The following TMEM178B variants were observed in gnomAD, a reference collection of about 807,000 sequenced individuals.
The protein encoded by TMEM178B is transmembrane protein 178B.
TMEM178B carries 5 observed loss-of-function variants against 31.0 expected under a neutral mutation model. That is an observed-to-expected ratio of 0.16 (90% CI 0.08 to 0.34). TMEM178B has a LOEUF of 0.34. Among genes scored for constraint, TMEM178B ranks in the 10% least tolerant of loss-of-function variants. TMEM178B has a pLI of 1.00. For missense variants in TMEM178B, 275 were observed against 400.3 expected (o/e 0.69, Z 2.67); for synonymous variants, 164 against 164.0 (o/e 1.00, Z 0.00).
intron 2 of TMEM178B, among the ~76,000 whole-genome samples, chr7:141,234,316 G>C (rs1001854049): frequency 6.6e-6 from 1 of 152,204 alleles, no homozygotes; most frequent in African/African-American, 2.4e-5. Flanking sequence ...GATCTGGTGA[G>C]AGTTTTATGG....
At chr7:141,104,094 C>T (rs567500342) in intron 1 of TMEM178B, among the ~76,000 whole-genome samples, 1 of 152,196 alleles carries the variant, frequency 6.6e-6, no homozygotes, top group African/African-American at 2.4e-5. Flanking sequence ...TTTAGTTGAA[C>T]CTGAGCCAGG....
chr7:141,440,882 T>A (rs1801645075), intron 3 of TMEM178B, among the ~76,000 whole-genome samples: 1 of 152,214 alleles, frequency 6.6e-6, no homozygotes, highest in Non-Finnish European at 1.5e-5. Context: ...AAGCCATGTC[T>A]TCCTGAAAGA....
chr7:141,458,916 C>T (rs931898764), intron 3 of TMEM178B, among the ~76,000 whole-genome samples: 8 of 152,230 alleles, frequency 5.3e-5, no homozygotes, highest in Non-Finnish European at 8.8e-5. Flanking sequence ...ATATAATGCA[C>T]AAACACCTCA....
chr7:141,188,665 C>T (rs1374026451), intron 1 of TMEM178B, among the ~76,000 whole-genome samples: 2 of 152,218 alleles, frequency 1.3e-5, no homozygotes, highest in African/African-American at 2.4e-5. Flanking sequence ...AATAAGCTTA[C>T]ATTCTAGTTA....
chr7:141,327,415 C>T (rs550356925), intron 2 of TMEM178B, among the ~76,000 whole-genome samples: 2 of 152,324 alleles, frequency 1.3e-5, no homozygotes, highest in African/African-American at 4.8e-5. Context: ...GCAACCTCCC[C>T]CACTATCAAC....
At chr7:141,173,552 C>T (rs768752895) in intron 1 of TMEM178B, among the ~76,000 whole-genome samples, 1 of 152,182 alleles carries the variant, frequency 6.6e-6, no homozygotes, top group Non-Finnish European at 1.5e-5. Context: ...GCCTATCTCA[C>T]ATGAGAAACT....
rs1465020039 is a variant in TMEM178B, at chr7:141,472,358, C to A, written c.*1572C>A. The A allele has an allele frequency of 6.6e-6, 1 of 152,172 alleles. No homozygotes were observed. Among genetic ancestry groups the A allele is most frequent in the African/African-American group, 2.4e-5 (1 of 41,422 alleles). 9.4% of individuals were successfully genotyped at this position (152,172 alleles called of 1,614,324 possible). A position where few individuals can be genotyped will look rare whatever the true frequency, so the allele number is the denominator to read the frequency against. On this transcript the variant is annotated 3_prime_UTR_variant, in exon 4 of 4. Transcript: ENST00000565468. ...AAATAACAGTCTTAGTGGCTAGCAC[C>A]CAAACAGAGGTGGAATAAATCCACC...
At chr7:141,269,555 G>C (rs978166281) in intron 2 of TMEM178B, among the ~76,000 whole-genome samples, 2 of 152,152 alleles carry the variant, frequency 1.3e-5, no homozygotes, top group African/African-American at 4.8e-5. Context: ...TCTTGAGCTT[G>C]ATGGAGCTAT....
At chr7:141,457,351 A>T (rs114877950) in intron 3 of TMEM178B, among the ~76,000 whole-genome samples, 304 of 152,348 alleles carry the variant, frequency 2.0e-3, no homozygotes, top group African/African-American at 7.0e-3. Flanking sequence ...TAATATACCC[A>T]CATATAAAGA....
At position 141,308,559 on chromosome 7, in the gene TMEM178B, C is replaced by T. The variant is rs143897189; in HGVS notation, c.496+95855C>T. On this transcript the variant is annotated intron_variant, in intron 2 of 3. Coordinates refer to ENST00000565468, the MANE Select transcript of TMEM178B (RefSeq NM_001195278.2). ...GATTACAGGCATGAGCCACTGTGCC[C>T]GGTCTCAACACATTTTTCTGTAGAA... is the stretch of plus-strand genomic sequence containing the variant. 6.2e-3 allele frequency among the ~76,000 whole-genome samples: 936 copies of T among 152,178 alleles called. 3 individuals carry two copies. Among genetic ancestry groups the T allele is most frequent in the African/African-American group, 8.6e-3 (359 of 41,508 alleles).
rs559066936 is a variant in TMEM178B, at chr7:141,149,540, GCAACAA to G, written c.383-63033_383-63028del. On this transcript the variant is annotated intron_variant, in intron 1 of 3. Transcript: ENST00000565468. ...TCCAGCCTGGGTAACAACAACAACA[GCAACAA>G]CAACAACAACAACAACAGGTCCTTT... is the stretch of plus-strand genomic sequence containing the variant. 5.1e-3 allele frequency among the ~76,000 whole-genome samples: 774 copies of G among 152,004 alleles called. 7 individuals are homozygous for G. The highest frequency in any genetic ancestry group is 0.018 in the African/African-American group (736 of 41,486).
At chr7:141,283,084 A>G (rs1798392161) in intron 2 of TMEM178B, among the ~76,000 whole-genome samples, 1 of 152,210 alleles carries the variant, frequency 6.6e-6, no homozygotes, top group Non-Finnish European at 1.5e-5. Flanking sequence ...CTTGAAGGCC[A>G]GTTGGTCACA....
chr7:141,121,277 G>C (rs1250869024), intron 1 of TMEM178B, among the ~76,000 whole-genome samples: 2 of 152,092 alleles, frequency 1.3e-5, no homozygotes, highest in African/African-American at 4.8e-5. Context: ...CTTTTGCTTA[G>C]CTTTTTATCT....
At chr7:141,286,083 A>G (rs542535773) in intron 2 of TMEM178B, among the ~76,000 whole-genome samples, 6 of 152,282 alleles carry the variant, frequency 3.9e-5, no homozygotes, top group Non-Finnish European at 8.8e-5. Context: ...CCAGAACTTA[A>G]AAGTATAATA....
chr7:141,319,811 T>G (rs1419333877), intron 2 of TMEM178B, among the ~76,000 whole-genome samples: 1 of 152,180 alleles, frequency 6.6e-6, no homozygotes, highest in African/African-American at 2.4e-5. Flanking sequence ...CGTGCTTGGG[T>G]TAGAATCTCT....
intron 2 of TMEM178B, among the ~76,000 whole-genome samples, chr7:141,359,036 TG>T: frequency 6.6e-6 from 1 of 152,216 alleles, no homozygotes; most frequent in Middle Eastern, 3.2e-3. Context: ...ATGAAACCAT[TG>T]CTTTGATAAC....
chr7:141,115,248 C>A (rs1795300575), intron 1 of TMEM178B, among the ~76,000 whole-genome samples: 1 of 151,216 alleles, frequency 6.6e-6, no homozygotes, highest in Non-Finnish European at 1.5e-5. Context: ...GGGTTTCAGG[C>A]CAGGCTGGTT....
intron 1 of TMEM178B, among the ~76,000 whole-genome samples, chr7:141,197,132 T>G (rs899986368): frequency 6.6e-6 from 1 of 152,248 alleles, no homozygotes; most frequent in South Asian, 2.1e-4. Context: ...AGTATAACAA[T>G]AGCTATAACA....
chr7:141,115,014 G>C (rs1458793672), intron 1 of TMEM178B, among the ~76,000 whole-genome samples: 1 of 151,986 alleles, frequency 6.6e-6, no homozygotes, highest in Non-Finnish European at 1.5e-5. Context: ...TCCCAAGAAG[G>C]TCAGTTAGGA....
Sources: gnomAD v4.1 joint callset for allele counts (sites outside exome capture counted in the v4.1 genomes callset) on GRCh38, gnomAD v4.1.1 for gene constraint, MANE v1.5 for transcripts, NCBI Gene and HGNC (gene_info 2026-07-23, HGNC 2026-07-21) for gene names.